Variants in UCK2 observed in about 807,000 individuals in gnomAD.
UCK2 encodes cytidine monophosphokinase 2.
A neutral mutation model predicts 30.8 loss-of-function variants in UCK2; 6 were observed. The ratio of observed to expected loss-of-function variants is 0.19; its 90% CI spans 0.11 to 0.38. The LOEUF (loss-of-function observed/expected upper bound fraction) is 0.38. Among genes scored for constraint, UCK2 ranks in the 10% least tolerant of loss-of-function variants. The probability of loss-of-function intolerance (pLI) is 1.00; values close to 1 mark genes in which losing one functional copy is unlikely to be tolerated. For missense variants in UCK2, 210 were observed against 339.8 expected (o/e 0.62, Z 3.00); for synonymous variants, 125 against 133.6 (o/e 0.94, Z 0.45).
chr1:165,900,004 C>T (rs1647400684), intron 4 of UCK2, among the ~76,000 whole-genome samples: 1 of 152,246 alleles, frequency 6.6e-6, no homozygotes, highest in African/African-American at 2.4e-5. Flanking sequence ...TGTAGTGGGA[C>T]TATTCCCTAT....
intron 1 of UCK2, among the ~76,000 whole-genome samples, chr1:165,882,346 C>A (rs955658263): frequency 6.6e-6 from 1 of 152,142 alleles, no homozygotes; most frequent in Non-Finnish European, 1.5e-5. Context: ...CTACCAAGAG[C>A]CATATACTAA....
At chr1:165,887,492 A>C (rs529131852) in intron 1 of UCK2, among the ~76,000 whole-genome samples, 1 of 152,314 alleles carries the variant, frequency 6.6e-6, no homozygotes, top group South Asian at 2.1e-4. Context: ...TGGGATTGCT[A>C]TTTACATTAA....
chr1:165,835,580 T>C (rs918104728), intron 1 of UCK2, among the ~76,000 whole-genome samples: 2 of 152,114 alleles, frequency 1.3e-5, no homozygotes, highest in Admixed American at 6.5e-5. Flanking sequence ...ATATTGTAAA[T>C]ATACACTTAA....
At chr1:165,835,178 A>G (rs1210561894) in intron 1 of UCK2, among the ~76,000 whole-genome samples, 1 of 152,092 alleles carries the variant, frequency 6.6e-6, no homozygotes, top group African/African-American at 2.4e-5. Context: ...CTAGTCTCCT[A>G]GGCTGTCTAG....
intron 1 of UCK2, among the ~76,000 whole-genome samples, chr1:165,844,681 G>A (rs1654405133): frequency 6.6e-6 from 1 of 152,194 alleles, no homozygotes; most frequent in Non-Finnish European, 1.5e-5. Flanking sequence ...GGGGAGGTGA[G>A]AGGGAGAGGG....
At chr1:165,883,675 AGCAATGCATGG>A (rs928318792) in intron 1 of UCK2, among the ~76,000 whole-genome samples, 1 of 152,198 alleles carries the variant, frequency 6.6e-6, no homozygotes, top group Non-Finnish European at 1.5e-5. Flanking sequence ...GCTCCTAGTC[AGCAATGCATGG>A]GCTCTGGGGC....
At chr1:165,859,660 A>C (rs923980881) in intron 1 of UCK2, among the ~76,000 whole-genome samples, 1 of 152,046 alleles carries the variant, frequency 6.6e-6, no homozygotes. Context: ...TTGTCTCTAC[A>C]AAAAAACCCA....
chr1:165,890,147 C>G, intron 1 of UCK2, 57 bp from the exon 2 acceptor site: 2 of 1,600,492 alleles, frequency 1.2e-6, no homozygotes, highest in Admixed American at 3.3e-5. Flanking sequence ...TCGGGACTTC[C>G]TCTGTACCAC....
chr1:165,828,857 T>TTTTCCC (rs1197834018), intron 1 of UCK2, among the ~76,000 whole-genome samples: 1 of 152,170 alleles, frequency 6.6e-6, no homozygotes, highest in Admixed American at 6.5e-5. Flanking sequence ...AAGATGTGGC[T>TTTTCCC]ACTTGTTTTT....
chr1:165,832,141 G>T (rs887457337), intron 1 of UCK2, among the ~76,000 whole-genome samples: 2 of 152,146 alleles, frequency 1.3e-5, no homozygotes, highest in East Asian at 3.8e-4. Flanking sequence ...TTGCTCAGTG[G>T]TCTTCTTTTT....
chr1:165,899,102 C>G (rs116392455), intron 4 of UCK2, among the ~76,000 whole-genome samples: 63 of 152,262 alleles, frequency 4.1e-4, no homozygotes, highest in African/African-American at 1.5e-3. Flanking sequence ...CTTGAGTTAG[C>G]TCCATGATTT....
rs113374659 is a variant in UCK2 at position 165,859,300 on chromosome 1, G to A, written c.100-30904G>A. Among the ~76,000 whole-genome samples the A allele has an allele frequency of 9.2e-5, 14 of 152,072 alleles. No homozygotes were observed. The East Asian group carries it at 1.2e-3, about 13-fold the overall frequency. On this transcript the variant is annotated intron_variant, in intron 1 of 6. Coordinates refer to ENST00000367879, the MANE Select transcript of UCK2 (RefSeq NM_012474.5). The stretch of plus-strand genomic sequence containing the variant: ...ATGTCTAGAGGAGGACCCCCTTCCT[G>A]CGCCCCGCCCCTCCATGCACCAGTC...
At chr1:165,851,518 G>T (rs1459089592) in intron 1 of UCK2, among the ~76,000 whole-genome samples, 1 of 152,084 alleles carries the variant, frequency 6.6e-6, no homozygotes, top group Admixed American at 6.5e-5. Flanking sequence ...AGCTGGTAAA[G>T]CTACTGTTGC....
intron 1 of UCK2, among the ~76,000 whole-genome samples, chr1:165,829,928 AC>A (rs1654002064): frequency 6.6e-6 from 1 of 152,232 alleles, no homozygotes; most frequent in Non-Finnish European, 1.5e-5. Flanking sequence ...GTCACAGCTC[AC>A]TGCAGCCTCA....
intron 5 of UCK2, among the ~76,000 whole-genome samples, chr1:165,904,411 C>T (rs1043165446): frequency 3.3e-5 from 5 of 152,108 alleles, no homozygotes; most frequent in Non-Finnish European, 5.9e-5. Flanking sequence ...TGGAAAGAGA[C>T]CAGAGGGGGC....
intron 6 of UCK2, 46 bp from the exon 7 acceptor site, chr1:165,907,638 C>G (rs368838485): frequency 3.3e-5 from 53 of 1,604,372 alleles, no homozygotes; most frequent in Non-Finnish European, 3.7e-5. Flanking sequence ...CTCACCCCTG[C>G]ACCCATGCCT....
chr1:165,870,814 T>C (rs1219643270), intron 1 of UCK2, among the ~76,000 whole-genome samples: 3 of 152,232 alleles, frequency 2.0e-5, no homozygotes, highest in Non-Finnish European at 4.4e-5. Context: ...TGGACAAAAA[T>C]TCCTTGTTAG....
intron 2 of UCK2, chr1:165,890,660 A>G (rs921384237): frequency 2.8e-6 from 1 of 355,400 alleles, no homozygotes; most frequent in African/African-American, 2.1e-5. Flanking sequence ...ATACAGAGCT[A>G]GTCCTGCTGC....
Position 165,833,848 on chromosome 1 carries a change from G to A in UCK2, c.99+5916G>A, listed in dbSNP as rs369540433. On this transcript the variant is annotated intron_variant, in intron 1 of 6. Coordinates refer to ENST00000367879, the MANE Select transcript of UCK2 (RefSeq NM_012474.5). Reference sequence around the variant, plus strand: ...TGTGTATGCATGTCTGTATGCTTTCGTGTCCATTAAACCATTTCAGTCATT... The same window carrying A: ...TGTGTATGCATGTCTGTATGCTTTCATGTCCATTAAACCATTTCAGTCATT... 1.9e-4 allele frequency among the ~76,000 whole-genome samples: 29 copies of A among 152,072 alleles called. No individual in the cohort carries two copies. In the East Asian group the frequency reaches 4.6e-3, roughly 24 times the overall value.
Sources: gnomAD v4.1 joint callset for allele counts (sites outside exome capture counted in the v4.1 genomes callset) on GRCh38, gnomAD v4.1.1 for gene constraint, MANE v1.5 for transcripts, NCBI Gene and HGNC (gene_info 2026-07-23, HGNC 2026-07-21) for gene names.